The following PXK variants were observed in gnomAD, a reference collection of about 807,000 sequenced individuals.
PXK encodes PX domain containing serine/threonine kinase like.
A neutral mutation model predicts 84.7 loss-of-function variants in PXK; 35 were observed. The ratio of observed to expected loss-of-function variants is 0.41; its 90% CI spans 0.32 to 0.55. The LOEUF (loss-of-function observed/expected upper bound fraction) is 0.55. Among genes scored for constraint, PXK ranks in the 20% least tolerant of loss-of-function variants. PXK has a pLI of 0.21. For synonymous variants in PXK, 253 were observed against 260.8 expected (o/e 0.97, Z 0.29); for missense variants, 634 against 699.7 (o/e 0.91, Z 1.06).
intron 1 of PXK, among the ~76,000 whole-genome samples, chr3:58,360,548 G>C (rs2098165619): frequency 6.6e-6 from 1 of 151,972 alleles, no homozygotes; most frequent in Admixed American, 6.6e-5. Flanking sequence ...TGTAATCCCA[G>C]CTCCAGGCTG....
Position 58,333,688 on chromosome 3 carries a change from G to C in PXK, c.102+598G>C, listed in dbSNP as rs1267185461. The C allele has an allele frequency of 2.2e-6, 1 of 455,344 alleles. No homozygotes were observed. The highest frequency in any genetic ancestry group is 2.0e-5 in the African/African-American group (1 of 50,158). The allele number at this position is 455,344 out of a possible 1,614,324, so 28.2% of individuals were successfully genotyped here. ...CGGCAGTCGGGGCGCTGTTAAGCAG[G>C]TGTATGAATGTGCTTCTCTAACTTG... On this transcript the variant is annotated intron_variant, in intron 1 of 17. Coordinates refer to ENST00000356151, the MANE Select transcript of PXK (RefSeq NM_017771.5). The surrounding 1 kb of genome is among the most constrained non-coding windows in gnomAD (Gnocchi z 5.4).
chr3:58,368,722 A>T (rs1367448879), intron 2 of PXK, among the ~76,000 whole-genome samples: 1 of 152,246 alleles, frequency 6.6e-6, no homozygotes, highest in African/African-American at 2.4e-5. Flanking sequence ...GTTCTAGGTG[A>T]TATCCAGGTA....
At chr3:58,382,770 A>G in intron 4 of PXK, 70 bp downstream of exon 4, 1 of 1,169,698 alleles carries the variant, frequency 8.5e-7, no homozygotes, top group Non-Finnish European at 1.2e-6. Flanking sequence ...GAGATAACGT[A>G]TGTGGGAGAA....
Position 58,379,263 on chromosome 3 carries a change from C to G in PXK, c.202-3251C>G, listed in dbSNP as rs2098475528. On this transcript the variant is annotated intron_variant, in intron 3 of 17. Coordinates refer to ENST00000356151, the MANE Select transcript of PXK (RefSeq NM_017771.5). The surrounding 1 kb of genome is among the most constrained non-coding windows in gnomAD (Gnocchi z 5.1). ...ACCTAAGAACTAGTTTACTTTTTCT[C>G]CATGTTCAATACTTAGCTTTGGTAA... The G allele has an allele frequency of 6.5e-6, 1 of 153,564 alleles. No individual in the cohort carries two copies. Among genetic ancestry groups the G allele is most frequent in the South Asian group, 2.1e-4 (1 of 4,828 alleles). The allele number at this position is 153,564 out of a possible 1,614,324, so 9.5% of individuals were successfully genotyped here.
Position 58,409,554 on chromosome 3 carries a change from C to G in PXK, c.1331C>G (p.Thr444Arg), listed in dbSNP as rs151186122. Reference protein sequence around the residue: ...QKQIHQHRRLTRAQSHHGSEE... With the variant: ...QKQIHQHRRLRRAQSHHGSEE... Reference sequence around the variant, plus strand: ...AAGATTCACCAGCATCGAAGACTGACAAGAGCTCAGTCCCACCATGGATCT... The same window carrying G: ...AAGATTCACCAGCATCGAAGACTGAGAAGAGCTCAGTCCCACCATGGATCT... The change falls in exon 15 of 18, where the codon ACA (threonine) becomes AGA (arginine). Residue 444 changes from threonine to arginine, a missense_variant. By Grantham distance (71) the Thr-to-Arg change is moderately conservative. Transcript: ENST00000356151. This position sits in a 1 kb window ranked among gnomAD's most constrained non-coding sequence, Gnocchi z 4.2. The G allele has an allele frequency of 8.1e-6, 13 of 1,613,330 alleles. No homozygotes were observed. The highest frequency in any genetic ancestry group is 1.1e-5 in the Non-Finnish European group (13 of 1,179,816).
intron 1 of PXK, among the ~76,000 whole-genome samples, chr3:58,347,149 T>G (rs1307697400): frequency 6.6e-6 from 1 of 152,036 alleles, no homozygotes; most frequent in East Asian, 1.9e-4. Context: ...CCATGTTCAT[T>G]TTTTATAAAG....
chr3:58,369,173 T>C (rs1368267996), intron 2 of PXK, among the ~76,000 whole-genome samples: 1 of 152,194 alleles, frequency 6.6e-6, no homozygotes, highest in Non-Finnish European at 1.5e-5. Context: ...ACAAATATTC[T>C]CACTTATCTC....
Position 58,412,991 on chromosome 3 carries a change from A to G in PXK, c.1528+28A>G, listed in dbSNP as rs774926861. 1 of 1,611,166 alleles carries G rather than the reference A, an allele frequency of 6.2e-7. No individual in the cohort carries two copies. Among genetic ancestry groups the G allele is most frequent in the African/African-American group, 1.3e-5 (1 of 74,806 alleles). On this transcript the variant is annotated intron_variant, in intron 17 of 17. Transcript: ENST00000356151. This position sits in a 1 kb window ranked among gnomAD's most constrained non-coding sequence, Gnocchi z 6.2. ...TAGTGATGGAGTAAAGTGACATGCC[A>G]CCTTCCTGTCCGCCAACAGGAGGAG...
At chr3:58,422,105 A>G in intron 17 of PXK, 1 of 985,314 alleles carries the variant, frequency 1.0e-6, no homozygotes, top group Non-Finnish European at 1.2e-6. Context: ...ATTGTTAGCC[A>G]TGTGTTGTAG....
chr3:58,423,276 G>C (rs778235563), intron 17 of PXK: 19 of 973,018 alleles, frequency 2.0e-5, no homozygotes, highest in Non-Finnish European at 2.3e-5. Flanking sequence ...ATAAAGCCAG[G>C]AACATTTTCC....
intron 1 of PXK, 37 bp from the exon 2 acceptor site, chr3:58,365,837 T>G: frequency 6.8e-7 from 1 of 1,472,592 alleles, no homozygotes; most frequent in Non-Finnish European, 9.1e-7. Flanking sequence ...CAAACTCAGT[T>G]TTATAACTGA....
At chr3:58,348,903 C>A (rs775515749) in intron 1 of PXK, among the ~76,000 whole-genome samples, 2 of 151,892 alleles carry the variant, frequency 1.3e-5, no homozygotes, top group Non-Finnish European at 2.9e-5. Flanking sequence ...CAGAGTGAGA[C>A]CCTGTCTGTA....
At chr3:58,392,692 C>G (rs1381161305) in intron 7 of PXK, among the ~76,000 whole-genome samples, 1 of 149,818 alleles carries the variant, frequency 6.7e-6, no homozygotes, top group African/African-American at 2.5e-5. Context: ...GGTGGAGTCT[C>G]TCTTTGTCAC....
intron 4 of PXK, among the ~76,000 whole-genome samples, chr3:58,387,024 A>G (rs2098557229): frequency 6.6e-6 from 1 of 152,236 alleles, no homozygotes; most frequent in Non-Finnish European, 1.5e-5. Flanking sequence ...GTGGTGGACT[A>G]GGAGTCTGGA....
At chr3:58,344,602 T>C (rs567473123) in intron 1 of PXK, among the ~76,000 whole-genome samples, 28 of 152,156 alleles carry the variant, frequency 1.8e-4, no homozygotes, top group Non-Finnish European at 2.2e-4. Context: ...GATGGGCAGA[T>C]CACCTGAGGC....
Position 58,383,440 on chromosome 3 carries a change from G to T in PXK, c.388+740G>T, listed in dbSNP as rs1040233432. 6.6e-6 allele frequency among the ~76,000 whole-genome samples: 1 copy of T among 152,094 alleles called. No individual in the cohort carries two copies. The highest frequency in any genetic ancestry group is 2.4e-5 in the African/African-American group (1 of 41,422). On this transcript the variant is annotated intron_variant, in intron 4 of 17. Transcript: ENST00000356151. The surrounding 1 kb of genome is among the most constrained non-coding windows in gnomAD (Gnocchi z 4.0). ...TTTTTGTATTTACAATATGTTGTGT[G>T]TTCTGTTTTTTCTGGGAATTTACTT... is the stretch of plus-strand genomic sequence containing the variant.
In PXK at chr3:58,424,872, G is replaced by A; in HGVS notation, c.1649G>A (p.Gly550Glu). 6.2e-7 allele frequency: 1 copy of A among 1,614,218 alleles called. No individual in the cohort carries two copies. The highest frequency in any genetic ancestry group is 1.3e-5 in the African/African-American group (1 of 75,054). Residue 550 changes from glycine to glutamate, a missense_variant, in exon 18 of 18, where the codon GGG becomes GAG. By Grantham distance (98) the Gly-to-Glu change is moderately conservative. Transcript: ENST00000356151. ...CAGGCTGTGAATGGCATGAGCCGAG[G>A]GGCCTTGCTCAGCTCCATCCAGAAT... is the stretch of plus-strand genomic sequence containing the variant. ...SSQAVNGMSR[G>E]ALLSSIQNFQ...
At chr3:58,337,559 C>T (rs1047577238) in intron 1 of PXK, among the ~76,000 whole-genome samples, 5 of 152,026 alleles carry the variant, frequency 3.3e-5, no homozygotes, top group Admixed American at 6.5e-5. Context: ...CAACCTCAGT[C>T]TCCTGGCTCA....
rs572070533 is a variant in PXK at position 58,398,365 on chromosome 3, G to A, written c.1102+643G>A. Among the ~76,000 whole-genome samples, 3 of 152,192 alleles carry A rather than the reference G, an allele frequency of 2.0e-5. No individual in the cohort carries two copies. Among genetic ancestry groups the A allele is most frequent in the South Asian group, 2.1e-4 (1 of 4,814 alleles). ...GGAGGTTGCAGTGAGCCGAGATTGC[G>A]CCACTGCACTCCAGCCTGGGCGACA... On this transcript the variant is annotated intron_variant, in intron 11 of 17. Transcript: ENST00000356151. The surrounding 1 kb of genome is among the most constrained non-coding windows in gnomAD (Gnocchi z 4.5).
Sources: allele counts gnomAD v4.1 joint callset (sites outside exome capture counted in the v4.1 genomes callset), GRCh38; gene constraint gnomAD v4.1.1; non-coding constraint Gnocchi (gnomAD v3.1); transcripts MANE v1.5; gene names NCBI Gene and HGNC (gene_info 2026-07-23, HGNC 2026-07-21).